Variants in ST3GAL4 observed in about 807,000 individuals in gnomAD.
ST3GAL4 encodes the protein ST3 beta-galactoside alpha-2,3-sialyltransferase 4.
In ST3GAL4, 24 loss-of-function variants were observed where a neutral mutation model predicts 42.6. The ratio of observed to expected loss-of-function variants is 0.56; its 90% CI spans 0.41 to 0.79. ST3GAL4 has a LOEUF of 0.79. ST3GAL4 is among the 30% of genes least tolerant of loss of function. The pLI is 0.00. For synonymous variants in ST3GAL4, 135 were observed against 163.2 expected (o/e 0.83, Z 1.32); for missense variants, 311 against 430.8 (o/e 0.72, Z 2.46).
Position 126,413,786 on chromosome 11 carries a change from C to T in ST3GAL4, c.915+138C>T, listed in dbSNP as rs116861493. ...GAACTGGAACCGAGGCACCTGGACT[C>T]CCTGGCCAGCATCCTCCATGTTCAG... On this transcript the variant is annotated intron_variant, in intron 10 of 10. Coordinates refer to ENST00000444328, the MANE Select transcript of ST3GAL4 (RefSeq NM_001254757.2). 6,465 of 1,430,360 alleles carry T rather than the reference C, an allele frequency of 4.5e-3. 17 individuals carry two copies. The highest frequency in any genetic ancestry group is 5.5e-3 in the Non-Finnish European group (5,753 of 1,050,382). The allele number at this position is 1,430,360 out of a possible 1,614,324, so 88.6% of individuals were successfully genotyped here. A position where few individuals can be genotyped will look rare whatever the true frequency, so the allele number is the denominator to read the frequency against.
At position 126,366,706 on chromosome 11, in the gene ST3GAL4, T is replaced by A. The variant is rs936858471; in HGVS notation, c.-61+10864T>A. On this transcript the variant is annotated intron_variant, in intron 1 of 10. Transcript: ENST00000444328. This position sits in a 1 kb window ranked among gnomAD's most constrained non-coding sequence, Gnocchi z 4.2. ...CAGCTGCACAGGTCTGGAAACATCC[T>A]TGTTCATCAAGCACCAGGCTGACCA... Among the ~76,000 whole-genome samples the A allele has an allele frequency of 6.6e-6, 1 of 152,142 alleles. No homozygotes were observed. Among genetic ancestry groups the A allele is most frequent in the Non-Finnish European group, 1.5e-5 (1 of 68,040 alleles).
chr11:126,368,146 C>CAAA lies in ST3GAL4; in HGVS notation c.-61+12317_-61+12319dup, dbSNP rs59203608. On this transcript the variant is annotated intron_variant, in intron 1 of 10. Transcript: ENST00000444328. ...TGGACCACAGAGTGAGACTGTCTCA[C>CAAA]AAAAAAAAAAAAAAAGATTATGCAC... Among the ~76,000 whole-genome samples, 25 of 125,148 alleles carry CAAA rather than the reference C, an allele frequency of 2.0e-4. 1 individual carries two copies. Among genetic ancestry groups the CAAA allele is most frequent in the African/African-American group, 6.8e-4 (23 of 33,948 alleles). 82.1% of individuals were successfully genotyped at this position (125,148 alleles called of 152,430 possible).
chr11:126,360,570 C>T (rs1340149158), intron 1 of ST3GAL4, among the ~76,000 whole-genome samples: 1 of 152,114 alleles, frequency 6.6e-6, no homozygotes, highest in East Asian at 1.9e-4. Context: ...ATTACAGGCA[C>T]CCGCCACCAC....
rs376777868 is a variant in ST3GAL4, at chr11:126,408,285, G to T, written c.438-22G>T. 8 of 1,613,060 alleles carry T rather than the reference G, an allele frequency of 5.0e-6. No individual in the cohort carries two copies. The African/African-American group carries it at 5.3e-5, about 11-fold the overall frequency. On this transcript the variant is annotated intron_variant, in intron 7 of 10. Transcript: ENST00000444328. ...AGGCCCAGGAGGCCTCTAGTGATGG[G>T]AATCCTCCTCCCAACCCCCAGATTG... is the stretch of plus-strand genomic sequence containing the variant.
chr11:126,371,771 T>G (rs1952658967), intron 1 of ST3GAL4, among the ~76,000 whole-genome samples: 1 of 152,200 alleles, frequency 6.6e-6, no homozygotes, highest in Non-Finnish European at 1.5e-5. Flanking sequence ...CAAGGGAGGG[T>G]TACTCGGGGC....
chr11:126,403,679 T>G (rs1954106161), intron 1 of ST3GAL4, among the ~76,000 whole-genome samples: 1 of 152,066 alleles, frequency 6.6e-6, no homozygotes, highest in Admixed American at 6.5e-5. Context: ...GCAAGGAAGA[T>G]GGAGAGAGGG....
At position 126,398,259 on chromosome 11, in the gene ST3GAL4, C is replaced by T. The variant is rs1565416940; in HGVS notation, c.-60-7837C>T. ...CAGGCATAGGACAGATATTCCATTC[C>T]AAAAGGGAGAGATAGGCAAGAAGAA... On this transcript the variant is annotated intron_variant, in intron 1 of 10. Coordinates refer to ENST00000444328, the MANE Select transcript of ST3GAL4 (RefSeq NM_001254757.2). The surrounding 1 kb of genome is among the most constrained non-coding windows in gnomAD (Gnocchi z 4.7). Among the ~76,000 whole-genome samples, 1 of 152,146 alleles carries T rather than the reference C, an allele frequency of 6.6e-6. No individual in the cohort carries two copies. Among genetic ancestry groups the T allele is most frequent in the Non-Finnish European group, 1.5e-5 (1 of 68,026 alleles).
At position 126,408,139 on chromosome 11, in the gene ST3GAL4, C is replaced by A. The variant is rs368959747; in HGVS notation, c.382C>A (p.Arg128=). The A allele has an allele frequency of 1.2e-6, 2 of 1,614,124 alleles. No individual in the cohort carries two copies. Among genetic ancestry groups the A allele is most frequent in the Admixed American group, 3.3e-5 (2 of 60,012 alleles). ...RRCVVVGNGH[R]LRNSSLGDAI... is the part of the protein sequence containing the mutation. The stretch of plus-strand genomic sequence containing the variant: ...CTGTGTGGTCGTGGGGAACGGGCAC[C>A]GGCTGCGGAACAGCTCACTGGGAGA... Residue 128 remains arginine, a synonymous_variant, in exon 7 of 11, where the codon CGG becomes AGG. Coordinates refer to ENST00000444328, the MANE Select transcript of ST3GAL4 (RefSeq NM_001254757.2).
intron 1 of ST3GAL4, among the ~76,000 whole-genome samples, chr11:126,362,248 A>T (rs1324321576): frequency 7.5e-6 from 1 of 133,878 alleles, no homozygotes; most frequent in Non-Finnish European, 1.5e-5. Context: ...CCCAGGCTGG[A>T]GTGCAGTGGC....
chr11:126,379,689 G>A lies in ST3GAL4; in HGVS notation c.-61+23847G>A, dbSNP rs1407277062. Among the ~76,000 whole-genome samples, 1 of 151,922 alleles carries A rather than the reference G, an allele frequency of 6.6e-6. No homozygotes were observed. Among genetic ancestry groups the A allele is most frequent in the Non-Finnish European group, 1.5e-5 (1 of 67,976 alleles). Reference sequence around the variant, plus strand: ...GATGGGGTTTCACCACGTTGGCCAGGCTGGTCTCAAACTCCTGACCTTAGG... The same window carrying A: ...GATGGGGTTTCACCACGTTGGCCAGACTGGTCTCAAACTCCTGACCTTAGG... On this transcript the variant is annotated intron_variant, in intron 1 of 10. Transcript: ENST00000444328. This position sits in a 1 kb window ranked among gnomAD's most constrained non-coding sequence, Gnocchi z 4.2.
chr11:126,400,400 C>A lies in ST3GAL4; in HGVS notation c.-60-5696C>A, dbSNP rs1183506026. Among the ~76,000 whole-genome samples, 1 of 152,226 alleles carries A rather than the reference C, an allele frequency of 6.6e-6. No homozygotes were observed. The highest frequency in any genetic ancestry group is 2.4e-5 in the African/African-American group (1 of 41,464). Reference sequence around the variant, plus strand: ...TTATTAGGCCCTGCTTATACTGTTGCACTGGGGATCAAGTTGCAGCACTTG... The same window carrying A: ...TTATTAGGCCCTGCTTATACTGTTGAACTGGGGATCAAGTTGCAGCACTTG... On this transcript the variant is annotated intron_variant, in intron 1 of 10. Transcript: ENST00000444328. This position sits in a 1 kb window ranked among gnomAD's most constrained non-coding sequence, Gnocchi z 4.6.
intron 1 of ST3GAL4, among the ~76,000 whole-genome samples, chr11:126,388,235 A>G (rs909750262): frequency 6.6e-6 from 1 of 152,242 alleles, no homozygotes; most frequent in African/African-American, 2.4e-5. Context: ...TCACGCTGGA[A>G]TTTGTAGATG....
chr11:126,406,336 CAGGGCCAGGAG>C lies in ST3GAL4; in HGVS notation c.17-128_17-118del. The C allele has an allele frequency of 1.9e-6, 3 of 1,544,296 alleles. No individual in the cohort carries two copies. Among genetic ancestry groups the C allele is most frequent in the Non-Finnish European group, 2.6e-6 (3 of 1,144,340 alleles). On this transcript the variant is annotated intron_variant, in intron 2 of 10. Coordinates refer to ENST00000444328, the MANE Select transcript of ST3GAL4 (RefSeq NM_001254757.2). The surrounding 1 kb of genome is among the most constrained non-coding windows in gnomAD (Gnocchi z 5.4). ...GTACAATCAGGGTCAAGCCCTCAGC[CAGGGCCAGGAG>C]AGGGCCAGAGACTGCTTCTGTTGAG... is the stretch of plus-strand genomic sequence containing the variant.
rs930748055 is a variant in ST3GAL4 at position 126,359,419 on chromosome 11, A to G, written c.-61+3577A>G. ...GATTGAAGGATTAAGTTACTTGGCC[A>G]AGGTCATACAGCTCGTAAGCAGCTG... On this transcript the variant is annotated intron_variant, in intron 1 of 10. Coordinates refer to ENST00000444328, the MANE Select transcript of ST3GAL4 (RefSeq NM_001254757.2). This position sits in a 1 kb window ranked among gnomAD's most constrained non-coding sequence, Gnocchi z 4.8. Among the ~76,000 whole-genome samples, 10 of 152,334 alleles carry G rather than the reference A, an allele frequency of 6.6e-5. No homozygotes were observed. The East Asian group carries it at 1.4e-3, about 21-fold the overall frequency.
intron 1 of ST3GAL4, among the ~76,000 whole-genome samples, chr11:126,371,146 T>C (rs1952624237): frequency 1.4e-5 from 2 of 139,562 alleles, no homozygotes; most frequent in Admixed American, 1.4e-4. Context: ...TGATCTATTC[T>C]ATTCTTCCCC....
rs58479155 is a variant in ST3GAL4 at position 126,399,301 on chromosome 11, C to CTTTTTTTT, written c.-60-6781_-60-6774dup. Among the ~76,000 whole-genome samples the CTTTTTTTT allele has an allele frequency of 3.1e-3, 274 of 87,672 alleles. 9 individuals carry two copies. The highest frequency in any genetic ancestry group is 7.6e-3 in the East Asian group (18 of 2,358). 57.5% of individuals were successfully genotyped at this position (87,672 alleles called of 152,430 possible). A position where few individuals can be genotyped will look rare whatever the true frequency, so the allele number is the denominator to read the frequency against. On this transcript the variant is annotated intron_variant, in intron 1 of 10. Coordinates refer to ENST00000444328, the MANE Select transcript of ST3GAL4 (RefSeq NM_001254757.2). ...TATAAATTTCTTTCTTTCTTTCCTTCTTTTTTTTTTTTTTTTTTTTTGAGA... is the reference window on the plus strand; with the variant it reads ...TATAAATTTCTTTCTTTCTTTCCTTCTTTTTTTTTTTTTTTTTTTTTTTTTTTTTGAGA...
Position 126,383,214 on chromosome 11 carries a change from G to A in ST3GAL4, c.-60-22882G>A, listed in dbSNP as rs1370998301. ...TCCTCTCAGGTGCCAGAATCTTTCT[G>A]GGAGCTGAGCCTGGCTGGGCAGAGG... is the stretch of plus-strand genomic sequence containing the variant. On this transcript the variant is annotated intron_variant, in intron 1 of 10. Transcript: ENST00000444328. The surrounding 1 kb of genome is among the most constrained non-coding windows in gnomAD (Gnocchi z 4.5). Among the ~76,000 whole-genome samples the A allele has an allele frequency of 6.6e-6, 1 of 152,198 alleles. No individual in the cohort carries two copies. The highest frequency in any genetic ancestry group is 2.1e-4 in the South Asian group (1 of 4,838).
chr11:126,358,713 G>C (rs1374017533), intron 1 of ST3GAL4, among the ~76,000 whole-genome samples: 1 of 152,180 alleles, frequency 6.6e-6, no homozygotes, highest in Non-Finnish European at 1.5e-5. Context: ...TGGGTGTCCA[G>C]AGCTGTGGGT....
Position 126,411,722 on chromosome 11 carries a change from G to C in ST3GAL4, c.772-1783G>C, listed in dbSNP as rs1228498712. Among the ~76,000 whole-genome samples the C allele has an allele frequency of 2.0e-5, 3 of 152,146 alleles. No homozygotes were observed. The highest frequency in any genetic ancestry group is 6.5e-5 in the Admixed American group (1 of 15,268). ...CTTGCTGGCTGTCAGCTGGAGGCTG[G>C]GGGCCACGCTCAGCTCTTGGAGGTG... On this transcript the variant is annotated intron_variant, in intron 9 of 10. Transcript: ENST00000444328. This position sits in a 1 kb window ranked among gnomAD's most constrained non-coding sequence, Gnocchi z 6.3.
Sources: gnomAD v4.1 joint callset for allele counts (sites outside exome capture counted in the v4.1 genomes callset) on GRCh38, gnomAD v4.1.1 for gene constraint, Gnocchi (gnomAD v3.1) non-coding constraint, MANE v1.5 for transcripts, NCBI Gene and HGNC (gene_info 2026-07-23, HGNC 2026-07-21) for gene names.